The following P2RY6 variants were observed in gnomAD, a reference collection of about 807,000 sequenced individuals.
P2RY6 encodes the protein P2Y purinoceptor 6.
Under a neutral mutation model 16.3 loss-of-function variants are expected in P2RY6, and 19 were observed. That is an observed-to-expected ratio of 1.16 (90% CI 0.81 to 1.71). The LOEUF (loss-of-function observed/expected upper bound fraction) is 1.71, where lower values mean the gene tolerates loss of function less well. Ranked by LOEUF, P2RY6 falls within the 40% of genes most tolerant of loss-of-function variation. P2RY6 has a pLI of 0.00. For synonymous variants in P2RY6, 184 were observed against 201.5 expected, an observed-to-expected ratio of 0.91 and a Z score of 0.74; for missense variants, 389 against 455.5, an observed-to-expected ratio of 0.85 and a Z score of 1.33.
At chr11:73,277,516 T>C (rs1471414306) in intron 1 of P2RY6, among the ~76,000 whole-genome samples, 1 of 152,240 alleles carries the variant, frequency 6.6e-6, no homozygotes, top group East Asian at 1.9e-4. Context: ...TCATAGATGC[T>C]GGCAGAAGAC....
intron 1 of P2RY6, among the ~76,000 whole-genome samples, chr11:73,266,360 G>A (rs1248352003): frequency 2.0e-5 from 3 of 152,254 alleles, no homozygotes; most frequent in African/African-American, 7.2e-5. Context: ...ACAAACCCTG[G>A]AGGAACCGAA....
At chr11:73,279,989 T>C (rs1863691671) in intron 1 of P2RY6, among the ~76,000 whole-genome samples, 1 of 152,160 alleles carries the variant, frequency 6.6e-6, no homozygotes, top group South Asian at 2.1e-4. Flanking sequence ...AATCCTTCTA[T>C]TTGATCACTG....
chr11:73,284,959 G>A (rs190235915), intron 1 of P2RY6, among the ~76,000 whole-genome samples: 64 of 152,332 alleles, frequency 4.2e-4, no homozygotes, highest in African/African-American at 1.4e-3. Flanking sequence ...GAGAAGGGGC[G>A]TAGGAATCAC....
intron 1 of P2RY6, among the ~76,000 whole-genome samples, chr11:73,282,236 A>G (rs1863794302): frequency 6.6e-6 from 1 of 152,094 alleles, no homozygotes; most frequent in South Asian, 2.1e-4. Context: ...TTGAGGCTCT[A>G]TTTTCTCTGA....
intron 1 of P2RY6, among the ~76,000 whole-genome samples, chr11:73,291,482 G>C (rs554772020): frequency 6.6e-6 from 1 of 152,210 alleles, no homozygotes; most frequent in Non-Finnish European, 1.5e-5. Flanking sequence ...ATCCAACCAG[G>C]AGGTCCACAC....
chr11:73,295,876 C>T (rs1864452265), intron 2 of P2RY6, 61 bp downstream of exon 2: 1 of 678,914 alleles, frequency 1.5e-6, no homozygotes, highest in Non-Finnish European at 1.8e-6. Context: ...CGCCCCAGAC[C>T]CTGGGCGAAG....
chr11:73,296,270 A>C (rs1225193977), intron 2 of P2RY6, among the ~76,000 whole-genome samples: 2 of 149,474 alleles, frequency 1.3e-5, no homozygotes, highest in Non-Finnish European at 3.0e-5. Flanking sequence ...TATATAAACA[A>C]AATGAATCAG....
chr11:73,265,310 A>G (rs556240092), intron 1 of P2RY6: 36 of 152,418 alleles, frequency 2.4e-4, no homozygotes, highest in African/African-American at 7.9e-4. Context: ...CCTCTCACAC[A>G]TACAAACACA....
chr11:73,280,309 C>A (rs539564479), intron 1 of P2RY6, among the ~76,000 whole-genome samples: 1 of 152,274 alleles, frequency 6.6e-6, no homozygotes, highest in East Asian at 1.9e-4. Flanking sequence ...TCCCACCTTG[C>A]GGGGTCCTTA....
upstream of P2RY6, among the ~76,000 whole-genome samples, chr11:73,271,042 C>G (rs1210766971): frequency 6.6e-6 from 1 of 152,208 alleles, no homozygotes; most frequent in Non-Finnish European, 1.5e-5. Context: ...AAGGGCAGGA[C>G]TTTGTTTTTT....
chr11:73,276,559 A>G (rs945083413), intron 1 of P2RY6, among the ~76,000 whole-genome samples: 1 of 152,244 alleles, frequency 6.6e-6, no homozygotes, highest in Non-Finnish European at 1.5e-5. Flanking sequence ...TATTTATGCT[A>G]CAACACGGAT....
chr11:73,277,624 G>T (rs2135707052), intron 1 of P2RY6, among the ~76,000 whole-genome samples: 1 of 152,340 alleles, frequency 6.6e-6, no homozygotes, highest in African/African-American at 2.4e-5. Flanking sequence ...AATGCAAAGG[G>T]GGCCAGGTAA....
rs1308184876 is a variant in P2RY6 at position 73,297,003 on chromosome 11, CA to C, written c.486del (p.Ala163ProfsTer196). 1.2e-6 allele frequency: 2 copies of C among 1,600,980 alleles called. No individual in the cohort carries two copies. Among genetic ancestry groups the C allele is most frequent in the African/African-American group, 2.7e-5 (2 of 74,956 alleles). ...WLAVTTQCLP[T>X]AIFAATGIQR... ...GCCGTGACAACCCAGTGCCTGCCCACAGCCATCTTCGCTGCCACAGGCATCC... is the reference window on the plus strand; with the variant it reads ...GCCGTGACAACCCAGTGCCTGCCCACGCCATCTTCGCTGCCACAGGCATCC... On this transcript the variant is annotated frameshift_variant, in exon 3 of 3. Coordinates refer to ENST00000540124, the MANE Select transcript of P2RY6 (RefSeq NM_001277204.2). LOFTEE classifies it high-confidence loss of function.
intron 1 of P2RY6, among the ~76,000 whole-genome samples, chr11:73,276,013 C>T (rs1294247075): frequency 6.6e-6 from 1 of 152,198 alleles, no homozygotes; most frequent in Admixed American, 6.5e-5. Context: ...GGGGATCAAA[C>T]CTAGGACTAT....
intron 1 of P2RY6, among the ~76,000 whole-genome samples, chr11:73,288,550 G>A (rs1192936345): frequency 1.3e-5 from 2 of 152,216 alleles, no homozygotes; most frequent in Non-Finnish European, 2.9e-5. Flanking sequence ...TCCTCCAGGT[G>A]AGAGGACTCT....
chr11:73,281,499 C>T (rs1863761040), intron 1 of P2RY6, among the ~76,000 whole-genome samples: 1 of 152,238 alleles, frequency 6.6e-6, no homozygotes, highest in Non-Finnish European at 1.5e-5. Flanking sequence ...CAGTTCCTTC[C>T]TGTTCTATTC....
upstream of P2RY6, among the ~76,000 whole-genome samples, chr11:73,269,306 G>A (rs561427317): frequency 9.2e-5 from 14 of 152,226 alleles, no homozygotes; most frequent in East Asian, 5.8e-4. Flanking sequence ...TCCCCTCCCC[G>A]TGAGGAGCCT....
At chr11:73,266,297 G>A (rs994954488) in intron 1 of P2RY6, among the ~76,000 whole-genome samples, 2 of 152,206 alleles carry the variant, frequency 1.3e-5, no homozygotes, top group Non-Finnish European at 2.9e-5. Flanking sequence ...GAGAGAGGTT[G>A]GGGGAGAAAT....
At chr11:73,290,409 G>C (rs1429443683) in intron 1 of P2RY6, among the ~76,000 whole-genome samples, 2 of 152,152 alleles carry the variant, frequency 1.3e-5, no homozygotes, top group Non-Finnish European at 2.9e-5. Context: ...AGACTGGCTG[G>C]GCACAGTGGT....
Sources: gnomAD v4.1 joint callset for allele counts (sites outside exome capture counted in the v4.1 genomes callset) on GRCh38, gnomAD v4.1.1 for gene constraint, MANE v1.5 for transcripts, NCBI Gene and HGNC (gene_info 2026-07-23, HGNC 2026-07-21) for gene names.